The following NPY4R variants were observed in gnomAD, a reference collection of about 807,000 sequenced individuals.
The protein encoded by NPY4R is neuropeptide Y receptor Y4, also known as neuropeptide Y receptor type 4.
NPY4R carries 2 observed loss-of-function variants against 11.9 expected under a neutral mutation model. The observed-to-expected ratio is 0.17, with a 90% CI of 0.07 to 0.53. The LOEUF (loss-of-function observed/expected upper bound fraction) is 0.53, where lower values mean the gene tolerates loss of function less well. NPY4R is among the 20% of genes least tolerant of loss of function. The pLI is 0.94. For synonymous variants in NPY4R, 8 were observed against 121.7 expected (o/e 0.07, Z 6.15); for missense variants, 26 against 280.2 (o/e 0.09, Z 6.48).
upstream of NPY4R, among the ~76,000 whole-genome samples, chr10:46,466,181 C>CTCTTTCTTTCTTTCTTTCTT (rs1171598410): frequency 4.5e-5 from 1 of 22,302 alleles, no homozygotes; most frequent in Non-Finnish European, 9.1e-5. Context: ...CTGTCTTTCT[C>CTCTTTCTTTCTTTCTTTCTT]TCTTTCTTTC....
Position 46,461,299 on chromosome 10 carries a change from CTG to C in NPY4R, c.*207_*208del, listed in dbSNP as rs1840769653. ...CAAGGCTTACTGTGACCTCTGGAAT[CTG>C]TGCTCAGAATTCTCCCAGGAACAAA... On this transcript the variant is annotated 3_prime_UTR_variant, in exon 3 of 3. Coordinates refer to ENST00000374312, the MANE Select transcript of NPY4R (RefSeq NM_005972.6). 1 of 74,938 alleles carries C rather than the reference CTG, an allele frequency of 1.3e-5. No individual in the cohort carries two copies. The highest frequency in any genetic ancestry group is 1.4e-4 in the Admixed American group (1 of 7,172). The allele number at this position is 74,938 out of a possible 1,614,324, so 4.6% of individuals were successfully genotyped here. A position where few individuals can be genotyped will look rare whatever the true frequency, so the allele number is the denominator to read the frequency against.
upstream of NPY4R, among the ~76,000 whole-genome samples, chr10:46,466,187 C>T (rs868991913): frequency 5.7e-3 from 57 of 9,998 alleles, 3 homozygotes; most frequent in Admixed American, 0.016. Context: ...TTCTCTCTTT[C>T]TTTCTTTCTT....
At chr10:46,468,047 T>C (rs549003967), upstream of NPY4R, among the ~76,000 whole-genome samples, 2 of 122,922 alleles carry the variant, frequency 1.6e-5, no homozygotes, top group East Asian at 2.4e-4. Context: ...CATGCCTAAC[T>C]GGTGTGGTGT....
chr10:46,466,173 G>GTCTTTCTCTCTCTTTCTTTCTT (rs1841014341), upstream of NPY4R, among the ~76,000 whole-genome samples: 5 of 21,456 alleles, frequency 2.3e-4, 2 homozygotes, highest in African/African-American at 6.9e-4. Context: ...GAGCTGCGCT[G>GTCTTTCTCTCTCTTTCTTTCTT]TCTTTCTCTC....
upstream of NPY4R, among the ~76,000 whole-genome samples, chr10:46,466,247 C>CTT (rs1257277143): frequency 2.9e-5 from 2 of 68,806 alleles, no homozygotes; most frequent in African/African-American, 1.7e-4. Context: ...TTCTTTCTTT[C>CTT]TTTCTTTCTT....
chr10:46,466,011 G>A (rs115386214), upstream of NPY4R: 1,485 of 152,152 alleles, frequency 9.8e-3, no homozygotes, highest in African/African-American at 0.034. Context: ...CCTTGCGCCC[G>A]CCCACGAGAG....
upstream of NPY4R, among the ~76,000 whole-genome samples, chr10:46,466,181 CTCTTTCTTTCTTTCTTTCTTTCTT>C (rs1171598410): frequency 6.4e-3 from 142 of 22,156 alleles, 2 homozygotes; most frequent in Admixed American, 9.8e-3. Flanking sequence ...CTGTCTTTCT[CTCTTTCTTTCTTTCTTTCTTTCTT>C]TCTTTCTTTC....
upstream of NPY4R, among the ~76,000 whole-genome samples, chr10:46,466,181 C>CTCTTTCTTTCTT (rs1171598410): frequency 6.3e-4 from 14 of 22,318 alleles, 1 homozygote; most frequent in African/African-American, 9.1e-4. Flanking sequence ...CTGTCTTTCT[C>CTCTTTCTTTCTT]TCTTTCTTTC....
chr10:46,464,086 A>C (rs1474842999), intron 1 of NPY4R, among the ~76,000 whole-genome samples: 28,693 of 132,028 alleles, frequency 0.22, 199 homozygotes, highest in Non-Finnish European at 0.26. Flanking sequence ...GCTCAGTAAA[A>C]TCTATTTGTC....
At chr10:46,466,173 G>T (rs1457728585), upstream of NPY4R, among the ~76,000 whole-genome samples, 12 of 21,450 alleles carry the variant, frequency 5.6e-4, no homozygotes, top group East Asian at 0.022. Context: ...GAGCTGCGCT[G>T]TCTTTCTCTC....
Position 46,465,937 on chromosome 10 carries a change from CG to C in NPY4R, c.-476del, listed in dbSNP as rs1192048728. 1 of 157,462 alleles carries C rather than the reference CG, an allele frequency of 6.4e-6. No homozygotes were observed. The highest frequency in any genetic ancestry group is 1.4e-5 in the Non-Finnish European group (1 of 72,550). 9.8% of individuals were successfully genotyped at this position (157,462 alleles called of 1,614,324 possible). A position where few individuals can be genotyped will look rare whatever the true frequency, so the allele number is the denominator to read the frequency against. On this transcript the variant is annotated 5_prime_UTR_variant, in exon 1 of 3. In the 5' UTR this introduces an upstream ATG that the reference lacks. Transcript: ENST00000374312. ...CCTGCTTCACCTGCTCCTGCTGCCCCGATGCTGCCTGCGTGCGGAGTGGAGC... is the reference window on the plus strand; with the variant it reads ...CCTGCTTCACCTGCTCCTGCTGCCCCATGCTGCCTGCGTGCGGAGTGGAGC...
upstream of NPY4R, among the ~76,000 whole-genome samples, chr10:46,466,239 CTTTCTTTCTTTCTTTCT>C (rs1841031944): frequency 1.4e-5 from 1 of 69,406 alleles, no homozygotes. Context: ...TTCTTTCTTT[CTTTCTTTCTTTCTTTCT>C]TTCTTTCCTT....
At chr10:46,466,248 T>TTCCTTCC (rs1841035383), upstream of NPY4R, among the ~76,000 whole-genome samples, 4 of 72,198 alleles carry the variant, frequency 5.5e-5, no homozygotes, top group Non-Finnish European at 8.0e-5. Context: ...TCTTTCTTTC[T>TTCCTTCC]TTCTTTCTTT....
At chr10:46,464,320 G>C (rs1649389485) in intron 1 of NPY4R, among the ~76,000 whole-genome samples, 1 of 136,902 alleles carries the variant, frequency 7.3e-6, no homozygotes, top group African/African-American at 2.8e-5. Context: ...AGTCAGCAGA[G>C]AGTGCACCAC....
upstream of NPY4R, among the ~76,000 whole-genome samples, chr10:46,466,278 T>TTCTTTTCTTTCTCTCTC (rs1841047357): frequency 1.4e-5 from 1 of 73,236 alleles, no homozygotes; most frequent in African/African-American, 8.1e-5. Context: ...CTTTCTTTCT[T>TTCTTTTCTTTCTCTCTC]TCTTTCTCTC....
chr10:46,466,255 CT>C (rs1426675586), upstream of NPY4R, among the ~76,000 whole-genome samples: 11 of 64,838 alleles, frequency 1.7e-4, no homozygotes, highest in South Asian at 3.9e-4. Context: ...TTCTTTCTTT[CT>C]TTCTTTCCTT....
At chr10:46,466,278 T>C (rs1392664877), upstream of NPY4R, among the ~76,000 whole-genome samples, 151 of 73,080 alleles carry the variant, frequency 2.1e-3, 2 homozygotes, top group African/African-American at 0.01. Context: ...CTTTCTTTCT[T>C]TCTTTCTCTC....
chr10:46,466,205 TTCTTTCTTTC>T (rs1841023528), upstream of NPY4R, among the ~76,000 whole-genome samples: 15 of 49,692 alleles, frequency 3.0e-4, no homozygotes, highest in African/African-American at 9.8e-4. Context: ...CTTTCTTTCT[TTCTTTCTTTC>T]TTTCTTTCTT....
chr10:46,462,703 CA>C lies in NPY4R; in HGVS notation c.-59-10del. ...CACTTGAGGGATGACGCCTACAAGG[CA>C]AACAGACAAACAATACTCAGGGATC... On this transcript the variant is annotated splice_polypyrimidine_tract_variant and intron_variant, in intron 2 of 2. Transcript: ENST00000374312. 1 of 964,438 alleles carries C rather than the reference CA, an allele frequency of 1.0e-6. No individual in the cohort carries two copies. Among genetic ancestry groups the C allele is most frequent in the Non-Finnish European group, 1.6e-6 (1 of 639,088 alleles). 59.7% of individuals were successfully genotyped at this position (964,438 alleles called of 1,614,324 possible).
Sources: gnomAD v4.1 joint callset for allele counts (sites outside exome capture counted in the v4.1 genomes callset) on GRCh38, gnomAD v4.1.1 for gene constraint, MANE v1.5 for transcripts, NCBI Gene and HGNC (gene_info 2026-07-23, HGNC 2026-07-21) for gene names.